Variants in NDST4 observed in about 807,000 individuals in gnomAD.
NDST4 encodes the protein N-heparan sulfate sulfotransferase 4.
Under a neutral mutation model 100.8 loss-of-function variants are expected in NDST4, and 63 were observed. That is an observed-to-expected ratio of 0.62 (90% CI 0.51 to 0.77). NDST4 has a LOEUF of 0.77. NDST4 is among the 30% of genes least tolerant of loss of function. The probability of loss-of-function intolerance (pLI) is 0.00; values close to 1 mark genes in which losing one functional copy is unlikely to be tolerated. For missense variants in NDST4, 943 were observed against 1,018.4 expected, an observed-to-expected ratio of 0.93 and a Z score of 1.01; for synonymous variants, 377 against 361.8, an observed-to-expected ratio of 1.04 and a Z score of -0.48.
rs1247157080 is a variant in NDST4, at chr4:114,829,880, T to C, written c.2409A>G (p.Gln803=). ...CCAGTAATTGACACCAAAAACCCTT[T>C]TGGGGATCAAACCTACAGTACATAA... The part of the protein sequence containing the change: ...NYSEALTFDP[Q]KGFWCQLLEG... The change falls in exon 13 of 14, where the codon CAA becomes CAG. Residue 803 remains glutamine (Q), a synonymous_variant. Coordinates refer to ENST00000264363, the MANE Select transcript of NDST4 (RefSeq NM_022569.3). 1.2e-6 allele frequency: 2 copies of C among 1,610,186 alleles called. No homozygotes were observed. Among genetic ancestry groups the C allele is most frequent in the South Asian group, 1.1e-5 (1 of 90,124 alleles).
intron 12 of NDST4, 58 bp downstream of exon 12, chr4:114,833,548 A>C: frequency 9.3e-7 from 1 of 1,080,120 alleles, no homozygotes; most frequent in African/African-American, 1.5e-5. Context: ...CACACCTACC[A>C]GTGATAATTT....
chr4:114,862,768 T>C lies in NDST4; in HGVS notation c.1719+8000A>G, dbSNP rs533008545. 1.1e-4 allele frequency among the ~76,000 whole-genome samples: 16 copies of C among 152,286 alleles called. 1 individual carries two copies. The highest frequency in any genetic ancestry group is 3.6e-4 in the African/African-American group (15 of 41,570). On this transcript the variant is annotated intron_variant, in intron 7 of 13. Transcript: ENST00000264363. ...GAGAGAATATGGATAAGCATGCTTTTTGGGGGAAGAGGATGACACTAGTTA... is the reference window on the plus strand; with the variant it reads ...GAGAGAATATGGATAAGCATGCTTTCTGGGGGAAGAGGATGACACTAGTTA...
chr4:114,839,643 G>A, intron 10 of NDST4, 95 bp from the exon 11 acceptor site: 2 of 1,023,328 alleles, frequency 2.0e-6, no homozygotes, highest in South Asian at 1.7e-5. Flanking sequence ...GTGTGTGTTT[G>A]GTGTGTATGT....
At chr4:114,988,852 C>A (rs1041286771) in intron 2 of NDST4, among the ~76,000 whole-genome samples, 43 of 151,900 alleles carry the variant, frequency 2.8e-4, no homozygotes, top group African/African-American at 9.7e-4. Context: ...ATATGAAAAC[C>A]ATTATTATTC....
chr4:114,859,340 T>C (rs1177743507), intron 7 of NDST4, among the ~76,000 whole-genome samples: 1 of 152,210 alleles, frequency 6.6e-6, no homozygotes, highest in Non-Finnish European at 1.5e-5. Flanking sequence ...AAATAATCAC[T>C]GATTTCACCT....
intron 6 of NDST4, among the ~76,000 whole-genome samples, chr4:114,909,911 T>G (rs1725030237): frequency 6.6e-6 from 1 of 152,190 alleles, no homozygotes; most frequent in Non-Finnish European, 1.5e-5. Context: ...TTTTTAATTT[T>G]GACTTCTACA....
chr4:115,084,668 G>T (rs1037709213), intron 1 of NDST4, among the ~76,000 whole-genome samples: 1 of 152,200 alleles, frequency 6.6e-6, no homozygotes, highest in African/African-American at 2.4e-5. Flanking sequence ...TGTTTCAGAG[G>T]GTGCAAGCCC....
At chr4:115,033,726 G>A (rs1728172285) in intron 2 of NDST4, among the ~76,000 whole-genome samples, 1 of 151,990 alleles carries the variant, frequency 6.6e-6, no homozygotes, top group Non-Finnish European at 1.5e-5. Flanking sequence ...ATTAGTGGCA[G>A]GTTGGTTGTT....
intron 2 of NDST4, among the ~76,000 whole-genome samples, chr4:115,023,689 A>T (rs965924047): frequency 6.6e-6 from 1 of 152,098 alleles, no homozygotes; most frequent in African/African-American, 2.4e-5. Context: ...AGAGTAAAAA[A>T]CTGTGTTAAG....
intron 1 of NDST4, among the ~76,000 whole-genome samples, chr4:115,111,660 C>G (rs1215323003): frequency 6.6e-6 from 1 of 151,162 alleles, no homozygotes; most frequent in Non-Finnish European, 1.5e-5. Flanking sequence ...AAAATAATGC[C>G]TGAGTTTCTA....
At chr4:114,987,496 TTCTTCA>T (rs1726939973) in intron 2 of NDST4, among the ~76,000 whole-genome samples, 1 of 152,182 alleles carries the variant, frequency 6.6e-6, no homozygotes, top group Non-Finnish European at 1.5e-5. Context: ...AGCTACCTTC[TTCTTCA>T]AGTGATTATA....
At chr4:114,903,332 GAA>G (rs1196173503) in intron 6 of NDST4, among the ~76,000 whole-genome samples, 1 of 152,080 alleles carries the variant, frequency 6.6e-6, no homozygotes, top group Non-Finnish European at 1.5e-5. Context: ...ATAGCAGAGA[GAA>G]TTATTTTTCT....
chr4:115,062,446 C>T (rs1399147537), intron 2 of NDST4, among the ~76,000 whole-genome samples: 1 of 151,520 alleles, frequency 6.6e-6, no homozygotes, highest in Non-Finnish European at 1.5e-5. Flanking sequence ...ACAAAATATA[C>T]ACACGAAAAA....
chr4:114,867,206 C>A (rs1474035727), intron 7 of NDST4, among the ~76,000 whole-genome samples: 1 of 152,142 alleles, frequency 6.6e-6, no homozygotes, highest in Non-Finnish European at 1.5e-5. Context: ...AGTATTCCTT[C>A]ATTCCTTCAA....
chr4:114,873,180 G>A (rs1724185956), intron 6 of NDST4, among the ~76,000 whole-genome samples: 2 of 151,568 alleles, frequency 1.3e-5, no homozygotes, highest in Non-Finnish European at 3.0e-5. Context: ...CATATTTCTA[G>A]TCCATTTTTT....
chr4:114,827,949 A>G lies in NDST4; in HGVS notation c.2500-14T>C. The G allele has an allele frequency of 6.3e-7, 1 of 1,579,638 alleles. No homozygotes were observed. The highest frequency in any genetic ancestry group is 1.2e-5 in the South Asian group (1 of 84,608). ...GAACGTTCTAGACTGGAAAGAAAAA[A>G]AGAAGAACTTGAAAGAAGCTCTTTG... On this transcript the variant is annotated splice_polypyrimidine_tract_variant and intron_variant, in intron 13 of 13. Coordinates refer to ENST00000264363, the MANE Select transcript of NDST4 (RefSeq NM_022569.3).
chr4:114,841,346 A>G (rs1478203038), intron 10 of NDST4, among the ~76,000 whole-genome samples: 1 of 152,198 alleles, frequency 6.6e-6, no homozygotes, highest in Non-Finnish European at 1.5e-5. Context: ...CTTTGGATTT[A>G]TGGTATTTAC....
At chr4:114,828,056 T>G (rs1306037504) in intron 13 of NDST4, 121 bp from the exon 14 acceptor site, 5 of 884,106 alleles carry the variant, frequency 5.7e-6, no homozygotes, top group Non-Finnish European at 7.8e-6. Context: ...ATATTATATT[T>G]CTTGTATTTT....
At chr4:114,901,017 ATT>A (rs61431888) in intron 6 of NDST4, among the ~76,000 whole-genome samples, 5,266 of 149,214 alleles carry the variant, frequency 0.035, 269 homozygotes, top group African/African-American at 0.12. Flanking sequence ...ACACTATATG[ATT>A]TTTTTTTTTC....
Sources: gnomAD v4.1 joint callset for allele counts (sites outside exome capture counted in the v4.1 genomes callset) on GRCh38, gnomAD v4.1.1 for gene constraint, MANE v1.5 for transcripts, NCBI Gene and HGNC (gene_info 2026-07-23, HGNC 2026-07-21) for gene names.